The following BIRC6 variants were observed in gnomAD, a reference collection of about 807,000 sequenced individuals.
BIRC6 encodes baculoviral IAP repeat containing 6, also known as dual E2 ubiquitin-conjugating enzyme/E3 ubiquitin-protein ligase BIRC6.
A neutral mutation model predicts 503.3 loss-of-function variants in BIRC6; 98 were observed. The ratio of observed to expected loss-of-function variants is 0.19; its 90% CI spans 0.17 to 0.23. BIRC6 has a LOEUF of 0.23. BIRC6 is among the 10% of genes least tolerant of loss of function. The probability of loss-of-function intolerance (pLI) is 1.00; values close to 1 mark genes in which losing one functional copy is unlikely to be tolerated. For missense variants in BIRC6, 5,360 were observed against 5,806.0 expected, an observed-to-expected ratio of 0.92 and a Z score of 2.50; for synonymous variants, 2,240 against 2,078.7, an observed-to-expected ratio of 1.08 and a Z score of -2.11.
intron 44 of BIRC6, among the ~76,000 whole-genome samples, chr2:32,492,220 T>C (rs1053102380): frequency 2.6e-5 from 4 of 152,104 alleles, no homozygotes; most frequent in African/African-American, 9.7e-5. Flanking sequence ...TTAGTTGTCC[T>C]CAACAGCCCA....
In BIRC6 at chr2:32,529,777, C is replaced by T; in HGVS notation, c.12047C>T (p.Pro4016Leu). ...VKLGSRVITD[P>L]SLSKTDSYKR... Reference sequence around the variant, plus strand: ...TTGGGATCAAGAGTTATAACAGACCCCAGTCTATCAAAAACAGATTCTTAT... The same window carrying T: ...TTGGGATCAAGAGTTATAACAGACCTCAGTCTATCAAAAACAGATTCTTAT... Residue 4016 changes from proline (P) to leucine (L), a missense_variant, in exon 60 of 74, where the codon CCC becomes CTC. Physicochemically the swap from Pro to Leu is moderately conservative, Grantham distance 98. Around this residue, in one of 16 missense-constraint regions of BIRC6, gnomAD observed 878 missense variants for 928.9 expected, o/e 0.95. Transcript: ENST00000421745. 6.2e-7 allele frequency: 1 copy of T among 1,612,728 alleles called. No homozygotes were observed. The highest frequency in any genetic ancestry group is 2.2e-5 in the East Asian group (1 of 44,788).
intron 1 of BIRC6, among the ~76,000 whole-genome samples, chr2:32,361,488 G>A (rs146390955): frequency 6.6e-6 from 1 of 152,138 alleles, no homozygotes; most frequent in Non-Finnish European, 1.5e-5. Context: ...CACCAGAGTG[G>A]TATGTTACCA....
intron 65 of BIRC6, among the ~76,000 whole-genome samples, chr2:32,568,728 C>T (rs1332337167): frequency 6.6e-6 from 1 of 151,692 alleles, no homozygotes; most frequent in Non-Finnish European, 1.5e-5. Context: ...CCTGTAATCC[C>T]AGCCACTTGG....
chr2:32,391,438 T>A (rs942708332), intron 4 of BIRC6, among the ~76,000 whole-genome samples: 1 of 152,316 alleles, frequency 6.6e-6, no homozygotes, highest in South Asian at 2.1e-4. Context: ...AAGACACATA[T>A]AATGTGAAAC....
At chr2:32,381,605 G>A (rs185834759) in intron 3 of BIRC6, among the ~76,000 whole-genome samples, 2 of 150,738 alleles carry the variant, frequency 1.3e-5, no homozygotes, top group East Asian at 3.9e-4. Context: ...GAGTGCAGTG[G>A]TGTGATCTTA....
At position 32,607,587 on chromosome 2, in the gene BIRC6, A is replaced by T. The variant is rs2062557896; in HGVS notation, c.14203A>T (p.Thr4735Ser). Residue 4735 changes from threonine to serine, a missense_variant, in exon 72 of 74, where the codon ACA (threonine) becomes TCA (serine). This residue lies in a region of BIRC6 where 40 missense variants were observed against 53.4 expected (regional missense o/e 0.75). Transcript: ENST00000421745. The part of the protein sequence containing the change: ...REYDGNIRQA[T>S]VKWAMLEQIR... ...ATATGATGGAAACATTCGACAAGCA[A>T]CAGTTAAGTGGGCAATGCTAGAACA... The T allele has an allele frequency of 6.2e-7, 1 of 1,613,912 alleles. No individual in the cohort carries two copies. The highest frequency in any genetic ancestry group is 1.3e-5 in the African/African-American group (1 of 75,068).
intron 53 of BIRC6, among the ~76,000 whole-genome samples, chr2:32,512,731 A>G (rs1172178324): frequency 2.0e-5 from 3 of 152,180 alleles, no homozygotes. Context: ...TGGTAAGGTT[A>G]TTGGAAAATT....
chr2:32,453,810 A>T lies in BIRC6; in HGVS notation c.4621A>T (p.Asn1541Tyr), dbSNP rs143623178. 216 of 1,612,076 alleles carry T rather than the reference A, an allele frequency of 1.3e-4. No homozygotes were observed. The African/African-American group carries it at 2.7e-3, about 21-fold the overall frequency. The change falls in exon 23 of 74, where the codon AAT (asparagine) becomes TAT (tyrosine). Residue 1541 changes from asparagine to tyrosine, a missense_variant and splice_region_variant. Physicochemically the swap from Asn to Tyr is moderately radical, Grantham distance 143. Coordinates refer to ENST00000421745, the MANE Select transcript of BIRC6 (RefSeq NM_016252.4). ...EIDLSDVLSG[N>Y]GKVSSCTAAE... is the part of the protein sequence containing the mutation. Reference sequence around the variant, plus strand: ...TAAAACTTGTCTTTTGCCATTAGGAAATGGAAAGGTCAGTAGTTGCACAGC... The same window carrying T: ...TAAAACTTGTCTTTTGCCATTAGGATATGGAAAGGTCAGTAGTTGCACAGC...
intron 65 of BIRC6, among the ~76,000 whole-genome samples, chr2:32,551,293 A>G (rs938197712): frequency 3.3e-5 from 5 of 151,994 alleles, no homozygotes; most frequent in Non-Finnish European, 4.4e-5. Context: ...GCTACTATTT[A>G]TTTATTTGAG....
intron 65 of BIRC6, among the ~76,000 whole-genome samples, chr2:32,553,137 C>T (rs1258671305): frequency 4.0e-4 from 46 of 115,298 alleles, no homozygotes; most frequent in Middle Eastern, 8.2e-3. Context: ...GGGGAGGTTG[C>T]GGTGAGCCGA....
chr2:32,430,996 G>C lies in BIRC6; in HGVS notation c.3154G>C (p.Glu1052Gln), dbSNP rs2044037192. The change falls in exon 12 of 74, where the codon GAA (glutamate) becomes CAA (glutamine). Residue 1052 changes from glutamate (E) to glutamine (Q), a missense_variant. Around this residue, in one of 16 missense-constraint regions of BIRC6, gnomAD observed 700 missense variants for 739.3 expected, o/e 0.95. Transcript: ENST00000421745. Reference protein sequence around the residue: ...VPPCWVEVQQEQQQRRHPQHL... With the variant: ...VPPCWVEVQQQQQQRRHPQHL... ...TCCATGCTGGGTAGAAGTTCAACAAGAACAGCAGCAAAGGAGGCATCCTCA... is the reference window on the plus strand; with the variant it reads ...TCCATGCTGGGTAGAAGTTCAACAACAACAGCAGCAAAGGAGGCATCCTCA... 6.2e-7 allele frequency: 1 copy of C among 1,613,002 alleles called. No homozygotes were observed. The highest frequency in any genetic ancestry group is 8.5e-7 in the Non-Finnish European group (1 of 1,179,642).
intron 70 of BIRC6, among the ~76,000 whole-genome samples, 180 bp downstream of exon 70, chr2:32,600,080 TAA>T (rs1331929683): frequency 4.6e-5 from 7 of 152,256 alleles, no homozygotes; most frequent in African/African-American, 1.7e-4. Context: ...CAGAAACAGT[TAA>T]GTGTTAATTA....
intron 1 of BIRC6, among the ~76,000 whole-genome samples, chr2:32,364,541 C>G (rs1206618856): frequency 6.6e-6 from 1 of 152,116 alleles, no homozygotes; most frequent in Admixed American, 6.6e-5. Context: ...GTGCCCAGCC[C>G]TGCTCAGTGT....
intron 4 of BIRC6, among the ~76,000 whole-genome samples, chr2:32,390,932 C>T (rs1429450992): frequency 2.0e-5 from 3 of 152,090 alleles, no homozygotes; most frequent in Non-Finnish European, 4.4e-5. Flanking sequence ...GTAGTAATCT[C>T]TTGGGCAACA....
At chr2:32,435,244 C>G (rs960444364) in intron 13 of BIRC6, among the ~76,000 whole-genome samples, 1 of 152,088 alleles carries the variant, frequency 6.6e-6, no homozygotes, top group Non-Finnish European at 1.5e-5. Context: ...TAGTTGCCAG[C>G]AGATTGTTTC....
chr2:32,451,353 G>C (rs558306021), intron 22 of BIRC6, among the ~76,000 whole-genome samples: 105 of 152,138 alleles, frequency 6.9e-4, no homozygotes, highest in African/African-American at 2.4e-3. Flanking sequence ...ACCCCCAAAG[G>C]GTTCCTGAGA....
At chr2:32,610,218 T>C (rs2062769407) in intron 72 of BIRC6, among the ~76,000 whole-genome samples, 1 of 152,180 alleles carries the variant, frequency 6.6e-6, no homozygotes, top group South Asian at 2.1e-4. Flanking sequence ...GATTGTCTGT[T>C]CTTTAGGGCA....
rs981952863 is a variant in BIRC6 at position 32,377,688 on chromosome 2, A to G, written c.426A>G (p.Gly142=). Residue 142 remains glycine (G), a synonymous_variant, in exon 2 of 74, where the codon GGA becomes GGG. Coordinates refer to ENST00000421745, the MANE Select transcript of BIRC6 (RefSeq NM_016252.4). ...YAVGCRKDLN[G]ILLLDTALQT... ...TAGGGTGTAGGAAGGACCTTAATGG[A>G]ATCTTGTTGTTAGACACTGCTCTGC... 1 of 1,613,568 alleles carries G rather than the reference A, an allele frequency of 6.2e-7. No homozygotes were observed.
chr2:32,485,203 T>G, intron 39 of BIRC6, among the ~76,000 whole-genome samples: 1 of 152,244 alleles, frequency 6.6e-6, no homozygotes, highest in Non-Finnish European at 1.5e-5. Flanking sequence ...TGTGTTTGTG[T>G]GTGCGTGTGA....
Sources: gnomAD v4.1 joint callset for allele counts (sites outside exome capture counted in the v4.1 genomes callset) on GRCh38, gnomAD v4.1.1 for gene constraint, gnomAD v4.1.1 regional missense constraint, MANE v1.5 for transcripts, NCBI Gene and HGNC (gene_info 2026-07-23, HGNC 2026-07-21) for gene names.